Variants in TIAM1 observed in about 807,000 individuals in gnomAD.
The protein encoded by TIAM1 is TIAM Rac1 associated GEF 1.
A neutral mutation model predicts 163.5 loss-of-function variants in TIAM1; 65 were observed. That is an observed-to-expected ratio of 0.40 (90% CI 0.33 to 0.49). The LOEUF is 0.49. Ranked by LOEUF, TIAM1 falls within the 20% of genes least tolerant of loss-of-function variation. The pLI is 0.77. For missense variants in TIAM1, 1,789 were observed against 2,044.7 expected (o/e 0.87, Z 2.41); for synonymous variants, 833 against 810.1 (o/e 1.03, Z -0.48).
rs1031249270 is a variant in TIAM1 at position 31,266,849 on chromosome 21, C to T, written c.124G>A (p.Ala42Thr). The change falls in exon 4 of 28, where the codon GCT becomes ACT. Residue 42 changes from alanine (A) to threonine (T), a missense_variant. Ala to Thr is a moderately conservative substitution (Grantham distance 58, BLOSUM62 0). Around this residue, in one of 5 missense-constraint regions of TIAM1, gnomAD observed 555 missense variants for 564.9 expected, o/e 0.98. Coordinates refer to ENST00000541036, the MANE Select transcript of TIAM1 (RefSeq NM_001353694.2). The stretch of plus-strand genomic sequence containing the variant: ...CTGTGGATCACCTTCCCCGAGGAAG[C>T]GTGCCTGGTCCTCCGCGTCTTGTGC... The part of the protein sequence containing the change: ...LSHKTRRTRH[A>T]SSGKVIHRNS... 7 of 1,614,038 alleles carry T rather than the reference C, an allele frequency of 4.3e-6. No individual in the cohort carries two copies. Among genetic ancestry groups the T allele is most frequent in the African/African-American group, 2.7e-5 (2 of 74,930 alleles).
chr21:31,545,570 G>A (rs2048460282), intron 1 of TIAM1, among the ~76,000 whole-genome samples: 1 of 152,174 alleles, frequency 6.6e-6, no homozygotes, highest in South Asian at 2.1e-4. Context: ...CCATGATTGG[G>A]ACTGTGGATA....
At chr21:31,385,927 ATATAT>A (rs892752745) in intron 2 of TIAM1, among the ~76,000 whole-genome samples, 14 of 132,338 alleles carry the variant, frequency 1.1e-4, no homozygotes, top group African/African-American at 4.0e-4. Flanking sequence ...TTAATTGATA[ATATAT>A]TAATGTTATT....
chr21:31,179,004 G>A (rs1279717512), intron 15 of TIAM1, among the ~76,000 whole-genome samples: 7 of 151,606 alleles, frequency 4.6e-5, no homozygotes, highest in Admixed American at 3.9e-4. Flanking sequence ...GCCCACCCTG[G>A]CCTCCCAAAG....
intron 1 of TIAM1, among the ~76,000 whole-genome samples, chr21:31,549,213 A>G (rs1295912446): frequency 1.3e-5 from 2 of 152,212 alleles, no homozygotes; most frequent in African/African-American, 4.8e-5. Flanking sequence ...TTCTTGATCT[A>G]TAACTTAATT....
chr21:31,243,420 A>G (rs1160192635), intron 6 of TIAM1, among the ~76,000 whole-genome samples: 1 of 151,798 alleles, frequency 6.6e-6, no homozygotes, highest in African/African-American at 2.4e-5. Context: ...CATCAAGCAT[A>G]CTAATGTAAA....
intron 2 of TIAM1, among the ~76,000 whole-genome samples, chr21:31,402,975 T>C (rs1284661199): frequency 1.3e-5 from 2 of 151,926 alleles, no homozygotes; most frequent in Non-Finnish European, 2.9e-5. Context: ...GACTAAACAA[T>C]GTATCTTCCT....
intron 10 of TIAM1, among the ~76,000 whole-genome samples, chr21:31,210,576 A>AAGAG (rs1569030990): frequency 8.2e-6 from 1 of 122,182 alleles, no homozygotes; most frequent in Non-Finnish European, 1.6e-5. Flanking sequence ...GAAAGAAAGA[A>AAGAG]AGAAAGAAAG....
chr21:31,350,419 A>G (rs2076216072), intron 2 of TIAM1, among the ~76,000 whole-genome samples: 1 of 152,250 alleles, frequency 6.6e-6, no homozygotes, highest in African/African-American at 2.4e-5. Context: ...TATAGTTTGG[A>G]TATCTGTACC....
chr21:31,280,982 T>C (rs111655448), intron 2 of TIAM1, among the ~76,000 whole-genome samples: 8,962 of 145,256 alleles, frequency 0.062, 621 homozygotes, highest in African/African-American at 0.18. Context: ...CTGGGTGTGG[T>C]GGCGTATGTG....
At chr21:31,437,294 C>T (rs181183353) in intron 2 of TIAM1, among the ~76,000 whole-genome samples, 1 of 151,884 alleles carries the variant, frequency 6.6e-6, no homozygotes, top group Non-Finnish European at 1.5e-5. Context: ...TTGCTTGAGC[C>T]CAGTTCAAAA....
At chr21:31,336,675 C>T (rs1426365614) in intron 2 of TIAM1, among the ~76,000 whole-genome samples, 1 of 151,990 alleles carries the variant, frequency 6.6e-6, no homozygotes, top group Non-Finnish European at 1.5e-5. Flanking sequence ...ACTCATGATC[C>T]TACTTCAGGG....
intron 16 of TIAM1, among the ~76,000 whole-genome samples, chr21:31,156,918 G>GT (rs552028817): frequency 5.9e-5 from 9 of 152,264 alleles, no homozygotes; most frequent in Non-Finnish European, 1.0e-4. Context: ...GCTTCCAACA[G>GT]TAACCACAGC....
chr21:31,447,152 G>A (rs1365812725), intron 2 of TIAM1, among the ~76,000 whole-genome samples: 1 of 152,222 alleles, frequency 6.6e-6, no homozygotes, highest in Non-Finnish European at 1.5e-5. Context: ...ACTCTGGGAG[G>A]CTGAGGAAGG....
chr21:31,132,233 G>A (rs781400112), intron 23 of TIAM1, among the ~76,000 whole-genome samples: 3 of 152,142 alleles, frequency 2.0e-5, no homozygotes, highest in African/African-American at 4.8e-5. Context: ...AGGGCAGGTC[G>A]GTCTTGTCTC....
chr21:31,548,869 T>C (rs1400660650), intron 1 of TIAM1, among the ~76,000 whole-genome samples: 1 of 152,096 alleles, frequency 6.6e-6, no homozygotes, highest in Non-Finnish European at 1.5e-5. Flanking sequence ...AGCAGCATCA[T>C]TGGCCTTTAC....
chr21:31,383,011 G>A (rs989241248), intron 2 of TIAM1, among the ~76,000 whole-genome samples: 10 of 152,038 alleles, frequency 6.6e-5, no homozygotes, highest in South Asian at 4.2e-4. Context: ...AGGCCAAGGC[G>A]GGAAGATCAC....
At position 31,231,829 on chromosome 21, in the gene TIAM1, A is replaced by G. The variant is rs570346565; in HGVS notation, c.1585-5879T>C. Among the ~76,000 whole-genome samples, 4 of 152,270 alleles carry G rather than the reference A, an allele frequency of 2.6e-5. No homozygotes were observed. The South Asian group carries it at 8.3e-4, about 32-fold the overall frequency. On this transcript the variant is annotated intron_variant, in intron 6 of 27. Transcript: ENST00000541036. ...CCAGGAGTTCGAGACCAGCCTGAGCATGGTGAAACCCCGTCTCTACTAACA... is the reference window on the plus strand; with the variant it reads ...CCAGGAGTTCGAGACCAGCCTGAGCGTGGTGAAACCCCGTCTCTACTAACA...
intron 8 of TIAM1, among the ~76,000 whole-genome samples, chr21:31,222,656 T>C (rs1265047814): frequency 6.9e-6 from 1 of 144,514 alleles, no homozygotes; most frequent in Non-Finnish European, 1.5e-5. Context: ...TGTGTGTATA[T>C]ATACATACAT....
chr21:31,459,250 T>A (rs938638638), intron 2 of TIAM1, among the ~76,000 whole-genome samples: 1 of 152,160 alleles, frequency 6.6e-6, no homozygotes, highest in African/African-American at 2.4e-5. Flanking sequence ...TAACTAGGAC[T>A]ACAGGCACGT....
Sources: allele counts gnomAD v4.1 joint callset (sites outside exome capture counted in the v4.1 genomes callset), GRCh38; gene constraint gnomAD v4.1.1; regional missense constraint gnomAD v4.1.1; transcripts MANE v1.5; gene names NCBI Gene and HGNC (gene_info 2026-07-23, HGNC 2026-07-21).